RNF144B: variants seen among roughly 807,000 people sequenced by gnomAD.
RNF144B encodes the protein ring finger protein 144B.
In RNF144B, 25 loss-of-function variants were observed where a neutral mutation model predicts 40.2. The ratio of observed to expected loss-of-function variants is 0.62; its 90% CI spans 0.45 to 0.87. The LOEUF (loss-of-function observed/expected upper bound fraction) is 0.87, where lower values mean the gene tolerates loss of function less well. Among genes scored for constraint, RNF144B ranks in the 40% least tolerant of loss-of-function variants. RNF144B has a pLI of 0.00. For missense variants in RNF144B, 365 were observed against 373.7 expected (o/e 0.98, Z 0.19); for synonymous variants, 145 against 136.3 (o/e 1.06, Z -0.44).
chr6:18,445,121 A>C (rs1342789842), intron 4 of RNF144B, among the ~76,000 whole-genome samples: 1 of 152,132 alleles, frequency 6.6e-6, no homozygotes, highest in Non-Finnish European at 1.5e-5. Context: ...TAGTCTACTG[A>C]AACAGTTTTA....
At position 18,447,516 on chromosome 6, in the gene RNF144B, C is replaced by A. The variant is rs776185708; in HGVS notation, c.331+7772C>A. ...AAATGATTTCCATTTTAGAAGATTACTGTCGCTGCTGCAGAAGAGTGGATG... is the reference window on the plus strand; with the variant it reads ...AAATGATTTCCATTTTAGAAGATTAATGTCGCTGCTGCAGAAGAGTGGATG... On this transcript the variant is annotated intron_variant, in intron 4 of 7. Coordinates refer to ENST00000259939, the MANE Select transcript of RNF144B (RefSeq NM_182757.4). This position sits in a 1 kb window ranked among gnomAD's most constrained non-coding sequence, Gnocchi z 5.6. 6.6e-5 allele frequency among the ~76,000 whole-genome samples: 10 copies of A among 152,152 alleles called. No homozygotes were observed. The highest frequency in any genetic ancestry group is 1.3e-4 in the Non-Finnish European group (9 of 68,044).
intron 2 of RNF144B, among the ~76,000 whole-genome samples, chr6:18,402,884 A>G (rs1166829342): frequency 2.0e-5 from 3 of 152,340 alleles, no homozygotes; most frequent in Admixed American, 1.3e-4. Flanking sequence ...AATAAAGTGT[A>G]ATATAAAGCA....
intron 6 of RNF144B, 140 bp from the exon 7 acceptor site, chr6:18,463,151 A>G (rs1234297900): frequency 3.3e-6 from 2 of 599,632 alleles, no homozygotes; most frequent in African/African-American, 3.7e-5. Flanking sequence ...GATAAAGATT[A>G]CAGGCTTGGA....
chr6:18,436,057 C>T (rs577115961), intron 3 of RNF144B, among the ~76,000 whole-genome samples: 4 of 147,282 alleles, frequency 2.7e-5, no homozygotes, highest in African/African-American at 1.0e-4. Context: ...AAATCACACA[C>T]TAAAAAAAAA....
intron 4 of RNF144B, among the ~76,000 whole-genome samples, chr6:18,445,464 G>A (rs760208082): frequency 2.0e-5 from 3 of 152,122 alleles, no homozygotes; most frequent in Admixed American, 6.6e-5. Context: ...GTTTTAAATA[G>A]CATTTCTTGC....
chr6:18,422,446 A>G lies in RNF144B; in HGVS notation c.166-5135A>G, dbSNP rs2113491962. Among the ~76,000 whole-genome samples the G allele has an allele frequency of 6.6e-6, 1 of 152,308 alleles. No homozygotes were observed. The highest frequency in any genetic ancestry group is 2.1e-4 in the South Asian group (1 of 4,824). ...GTGTTTGCATTGTACCTGGAGTGAT[A>G]AAAAGCAAAACAGGTACTCAAGACC... On this transcript the variant is annotated intron_variant, in intron 2 of 7. Coordinates refer to ENST00000259939, the MANE Select transcript of RNF144B (RefSeq NM_182757.4). This position sits in a 1 kb window ranked among gnomAD's most constrained non-coding sequence, Gnocchi z 4.7.
chr6:18,391,217 A>T (rs1469435688), intron 1 of RNF144B, among the ~76,000 whole-genome samples: 1 of 152,162 alleles, frequency 6.6e-6, no homozygotes, highest in Non-Finnish European at 1.5e-5. Flanking sequence ...TGATTGGTCA[A>T]TTACATCATT....
At chr6:18,394,703 A>G (rs1794658015) in intron 1 of RNF144B, among the ~76,000 whole-genome samples, 1 of 152,170 alleles carries the variant, frequency 6.6e-6, no homozygotes, top group Non-Finnish European at 1.5e-5. Context: ...AGAATATGAA[A>G]ATTCCTTATA....
Position 18,441,802 on chromosome 6 carries a change from C to T in RNF144B, c.331+2058C>T, listed in dbSNP as rs1428340315. On this transcript the variant is annotated intron_variant, in intron 4 of 7. Transcript: ENST00000259939. This position sits in a 1 kb window ranked among gnomAD's most constrained non-coding sequence, Gnocchi z 4.9. ...ATGGGGATAACAAGTATCTCTGTACCACAGGGTTGTGATGAGGATTATGTG... is the reference window on the plus strand; with the variant it reads ...ATGGGGATAACAAGTATCTCTGTACTACAGGGTTGTGATGAGGATTATGTG... Among the ~76,000 whole-genome samples the T allele has an allele frequency of 6.6e-6, 1 of 152,094 alleles. No homozygotes were observed. The highest frequency in any genetic ancestry group is 1.5e-5 in the Non-Finnish European group (1 of 68,028).
chr6:18,400,064 G>T lies in RNF144B; in HGVS notation c.165+365G>T, dbSNP rs1430839442. On this transcript the variant is annotated intron_variant, in intron 2 of 7. Coordinates refer to ENST00000259939, the MANE Select transcript of RNF144B (RefSeq NM_182757.4). This position sits in a 1 kb window ranked among gnomAD's most constrained non-coding sequence, Gnocchi z 5.6. ...AGGCGGGCGGATCACAAGGTCAGAAGATCGAGACCATCCTAGCTAACATGG... is the reference window on the plus strand; with the variant it reads ...AGGCGGGCGGATCACAAGGTCAGAATATCGAGACCATCCTAGCTAACATGG... 6.6e-6 allele frequency among the ~76,000 whole-genome samples: 1 copy of T among 152,104 alleles called. No individual in the cohort carries two copies. The highest frequency in any genetic ancestry group is 1.5e-5 in the Non-Finnish European group (1 of 68,018).
rs1304324905 is a variant in RNF144B, at chr6:18,434,051, A to G, written c.271-5633A>G. Among the ~76,000 whole-genome samples, 2 of 152,130 alleles carry G rather than the reference A, an allele frequency of 1.3e-5. No homozygotes were observed. Among genetic ancestry groups the G allele is most frequent in the African/African-American group, 4.8e-5 (2 of 41,422 alleles). ...ATCTCCAGATGTTCTGATATGTTTT[A>G]TTATTTGTTCAGCCTGTTTAATTTT... On this transcript the variant is annotated intron_variant, in intron 3 of 7. Transcript: ENST00000259939. This position sits in a 1 kb window ranked among gnomAD's most constrained non-coding sequence, Gnocchi z 4.1.
chr6:18,451,256 A>G (rs1423728621), intron 4 of RNF144B, among the ~76,000 whole-genome samples: 1 of 152,122 alleles, frequency 6.6e-6, no homozygotes, highest in African/African-American at 2.4e-5. Context: ...TTTCATCTCC[A>G]TGTGCCCAGG....
chr6:18,424,807 G>A (rs1758510138), intron 2 of RNF144B, among the ~76,000 whole-genome samples: 1 of 152,120 alleles, frequency 6.6e-6, no homozygotes, highest in African/African-American at 2.4e-5. Context: ...AGAGGCACCT[G>A]GGATATTCTG....
intron 4 of RNF144B, among the ~76,000 whole-genome samples, chr6:18,454,915 G>C (rs1759293787): frequency 6.6e-6 from 1 of 152,128 alleles, no homozygotes; most frequent in Non-Finnish European, 1.5e-5. Flanking sequence ...AATTTTAACA[G>C]TAATATGTGT....
rs146859375 is a variant in RNF144B at position 18,434,470 on chromosome 6, G to T, written c.271-5214G>T. ...GTGCCTCACTTTTCATTTCTTCTTG[G>T]TTGTGGACGTTAGAGAGATTAAATC... On this transcript the variant is annotated intron_variant, in intron 3 of 7. Coordinates refer to ENST00000259939, the MANE Select transcript of RNF144B (RefSeq NM_182757.4). The surrounding 1 kb of genome is among the most constrained non-coding windows in gnomAD (Gnocchi z 4.1). Among the ~76,000 whole-genome samples the T allele has an allele frequency of 7.6e-4, 116 of 152,210 alleles. 2 individuals are homozygous for T. The highest frequency in any genetic ancestry group is 2.6e-3 in the African/African-American group (107 of 41,496).
chr6:18,402,887 A>G (rs560839696), intron 2 of RNF144B, among the ~76,000 whole-genome samples: 1 of 152,356 alleles, frequency 6.6e-6, no homozygotes, highest in African/African-American at 2.4e-5. Context: ...AAAGTGTAAT[A>G]TAAAGCAAGA....
rs767436282 is a variant in RNF144B at position 18,441,261 on chromosome 6, A to G, written c.331+1517A>G. On this transcript the variant is annotated intron_variant, in intron 4 of 7. Transcript: ENST00000259939. The surrounding 1 kb of genome is among the most constrained non-coding windows in gnomAD (Gnocchi z 4.9). ...TTATAATTAGAACATGGACATTCCC[A>G]GTATTCACCCTGTGGATGCCTGGCT... is the stretch of plus-strand genomic sequence containing the variant. Among the ~76,000 whole-genome samples, 1 of 152,206 alleles carries G rather than the reference A, an allele frequency of 6.6e-6. No individual in the cohort carries two copies. The highest frequency in any genetic ancestry group is 1.5e-5 in the Non-Finnish European group (1 of 68,028).
At chr6:18,420,012 G>C (rs1795224236) in intron 2 of RNF144B, among the ~76,000 whole-genome samples, 2 of 152,264 alleles carry the variant, frequency 1.3e-5, no homozygotes, top group African/African-American at 4.8e-5. Flanking sequence ...AAGAAAAGAA[G>C]AACAGAGGAT....
chr6:18,411,678 A>G (rs1795051113), intron 2 of RNF144B, among the ~76,000 whole-genome samples: 2 of 150,660 alleles, frequency 1.3e-5, no homozygotes, highest in Admixed American at 6.6e-5. Flanking sequence ...TAATTTTTGT[A>G]TTTTTAGTAC....
Sources: allele counts gnomAD v4.1 joint callset (sites outside exome capture counted in the v4.1 genomes callset), GRCh38; gene constraint gnomAD v4.1.1; non-coding constraint Gnocchi (gnomAD v3.1); transcripts MANE v1.5; gene names NCBI Gene and HGNC (gene_info 2026-07-23, HGNC 2026-07-21).